The following KDM4C variants were observed in gnomAD, a reference collection of about 807,000 sequenced individuals.
The protein encoded by KDM4C is lysine demethylase 4C, also known as lysine-specific demethylase 4C.
KDM4C carries 81 observed loss-of-function variants against 129.3 expected under a neutral mutation model. The ratio of observed to expected loss-of-function variants is 0.63; its 90% confidence interval spans 0.52 to 0.75. The LOEUF (loss-of-function observed/expected upper bound fraction) is 0.75, where lower values mean the gene tolerates loss of function less well. KDM4C is among the 30% of genes least tolerant of loss of function. The probability of loss-of-function intolerance (pLI) is 0.00; values close to 1 mark genes in which losing one functional copy is unlikely to be tolerated. For synonymous variants in KDM4C, 573 were observed against 456.1 expected, an observed-to-expected ratio of 1.26 and a Z score of -3.26; for missense variants, 1,457 against 1,304.0, an observed-to-expected ratio of 1.12 and a Z score of -1.81.
intron 5 of KDM4C, among the ~76,000 whole-genome samples, chr9:6,863,606 C>G (rs1841377424): frequency 6.6e-6 from 1 of 151,886 alleles, no homozygotes; most frequent in African/African-American, 2.4e-5. Flanking sequence ...ACCATCCTGG[C>G]TAACACGGTG....
At chr9:6,826,325 C>T (rs1236562858) in intron 4 of KDM4C, among the ~76,000 whole-genome samples, 1 of 151,880 alleles carries the variant, frequency 6.6e-6, no homozygotes, top group Non-Finnish European at 1.5e-5. Context: ...ATAAACATTA[C>T]ATATGAAAAA....
At chr9:6,893,339 C>G (rs1455191210) in intron 8 of KDM4C, 107 bp downstream of exon 8, 1 of 818,614 alleles carries the variant, frequency 1.2e-6, no homozygotes, top group Non-Finnish European at 1.8e-6. Flanking sequence ...CTCACTGGCG[C>G]CATGTGCCTC....
intron 19 of KDM4C, among the ~76,000 whole-genome samples, chr9:7,156,709 T>A (rs1843208645): frequency 6.6e-6 from 1 of 152,246 alleles, no homozygotes; most frequent in African/African-American, 2.4e-5. Flanking sequence ...TCCATTGGTC[T>A]ATATCTCTGT....
chr9:6,737,109 T>C (rs1459361469), intron 1 of KDM4C, among the ~76,000 whole-genome samples: 2 of 130,306 alleles, frequency 1.5e-5, no homozygotes, highest in East Asian at 2.2e-4. Flanking sequence ...CTGGGCAGCA[T>C]AGCAAGATCT....
chr9:6,884,082 C>T (rs1331705544), intron 6 of KDM4C, among the ~76,000 whole-genome samples: 3 of 152,160 alleles, frequency 2.0e-5, no homozygotes, highest in African/African-American at 2.4e-5. Context: ...TTAGGAGAAG[C>T]GCCATTCTCC....
intron 15 of KDM4C, among the ~76,000 whole-genome samples, chr9:7,018,928 T>A (rs1824168303): frequency 1.3e-5 from 2 of 152,250 alleles, no homozygotes; most frequent in Admixed American, 6.5e-5. Context: ...CAATTTACAG[T>A]TGAACTGGGA....
At chr9:6,938,564 G>A (rs1589210951) in intron 8 of KDM4C, among the ~76,000 whole-genome samples, 1 of 152,176 alleles carries the variant, frequency 6.6e-6, no homozygotes, top group African/African-American at 2.4e-5. Context: ...TTTAGTCGGT[G>A]AAGCCATCTG....
chr9:7,050,834 G>C (rs1363370853), intron 17 of KDM4C, among the ~76,000 whole-genome samples: 1 of 152,154 alleles, frequency 6.6e-6, no homozygotes, highest in Admixed American at 6.5e-5. Flanking sequence ...AGGGCAGCAG[G>C]ATTATTTCAT....
intron 1 of KDM4C, among the ~76,000 whole-genome samples, chr9:6,745,590 A>G (rs1817846983): frequency 6.6e-6 from 1 of 152,038 alleles, no homozygotes; most frequent in South Asian, 2.1e-4. Flanking sequence ...AAAAAAAAAA[A>G]AAAAAAAATG....
intron 1 of KDM4C, chr9:6,735,077 G>T: frequency 2.3e-6 from 1 of 430,346 alleles, no homozygotes. Context: ...AAATCTTCAT[G>T]GTTCCAGCAG....
At chr9:6,836,687 A>G (rs554249005) in intron 4 of KDM4C, among the ~76,000 whole-genome samples, 75 of 152,348 alleles carry the variant, frequency 4.9e-4, no homozygotes, top group African/African-American at 1.8e-3. Flanking sequence ...TATTAAAAAT[A>G]GTATCACTTT....
intron 8 of KDM4C, chr9:6,941,921 G>C (rs1480081946): frequency 6.6e-6 from 1 of 152,100 alleles, no homozygotes; most frequent in Non-Finnish European, 1.5e-5. Flanking sequence ...CAGTGTCTTA[G>C]AAATATTTGA....
intron 17 of KDM4C, among the ~76,000 whole-genome samples, chr9:7,066,799 C>G (rs1403700246): frequency 1.3e-5 from 2 of 151,836 alleles, no homozygotes; most frequent in East Asian, 3.9e-4. Context: ...AAGGCATAAA[C>G]TGAGTAGTGC....
At chr9:6,826,728 A>T (rs985699882) in intron 4 of KDM4C, among the ~76,000 whole-genome samples, 1 of 152,060 alleles carries the variant, frequency 6.6e-6, no homozygotes, top group Non-Finnish European at 1.5e-5. Context: ...TTAGCCAGGC[A>T]TGGTGGCAGG....
At chr9:6,921,413 C>G (rs562108682) in intron 8 of KDM4C, among the ~76,000 whole-genome samples, 167 of 152,240 alleles carry the variant, frequency 1.1e-3, no homozygotes, top group African/African-American at 3.8e-3. Flanking sequence ...TTAGTGGCAA[C>G]TCTGTTTCTC....
In KDM4C at chr9:7,174,596, C is replaced by G. The variant is rs1380156040; in HGVS notation, c.3038C>G (p.Ala1013Gly). Residue 1013 changes from alanine (A) to glycine (G), a missense_variant, in exon 22 of 22, where the codon GCA becomes GGA. Ala to Gly is a moderately conservative substitution (Grantham distance 60, BLOSUM62 0). Transcript: ENST00000381309. Reference sequence around the variant, plus strand: ...CGATTTGAAGACACGTTTTATGGAGCAGACATTATCCAAGGGGAGAGAAAG... The same window carrying G: ...CGATTTGAAGACACGTTTTATGGAGGAGACATTATCCAAGGGGAGAGAAAG... ...DMRFEDTFYG[A>G]DIIQGERKRQ... 1 of 1,614,194 alleles carries G rather than the reference C, an allele frequency of 6.2e-7. No individual in the cohort carries two copies. Among genetic ancestry groups the G allele is most frequent in the South Asian group, 1.1e-5 (1 of 91,082 alleles).
chr9:6,920,562 ATT>A (rs1463723172), intron 8 of KDM4C, among the ~76,000 whole-genome samples: 1 of 86,034 alleles, frequency 1.2e-5, no homozygotes, highest in Non-Finnish European at 2.5e-5. Context: ...GAAAAAAAAA[ATT>A]AATTAATCAA....
intron 8 of KDM4C, among the ~76,000 whole-genome samples, chr9:6,954,445 T>G (rs1234056417): frequency 3.9e-5 from 6 of 152,186 alleles, no homozygotes; most frequent in African/African-American, 1.4e-4. Context: ...ATGAAGGATT[T>G]TATTGACAAT....
chr9:7,036,064 A>G (rs1446914456), intron 15 of KDM4C, among the ~76,000 whole-genome samples: 2 of 152,086 alleles, frequency 1.3e-5, no homozygotes, highest in Non-Finnish European at 2.9e-5. Context: ...GAATCTGTAG[A>G]TTGCCTTGGG....
Sources: gnomAD v4.1 joint callset for allele counts (sites outside exome capture counted in the v4.1 genomes callset) on GRCh38, gnomAD v4.1.1 for gene constraint, MANE v1.5 for transcripts, NCBI Gene and HGNC (gene_info 2026-07-23, HGNC 2026-07-21) for gene names.